Variants in ACVR2A observed in about 807,000 individuals in gnomAD.
ACVR2A encodes activin receptor type-2A.
ACVR2A carries 7 observed loss-of-function variants against 61.4 expected under a neutral mutation model. The ratio of observed to expected loss-of-function variants is 0.11; its 90% CI spans 0.06 to 0.21. The LOEUF is 0.21. Ranked by LOEUF, ACVR2A falls within the 10% of genes least tolerant of loss-of-function variation. The pLI is 1.00. For synonymous variants in ACVR2A, 193 were observed against 208.3 expected (o/e 0.93, Z 0.63); for missense variants, 322 against 621.7 (o/e 0.52, Z 5.13).
chr2:147,882,804 T>G (rs1274174716), intron 1 of ACVR2A, among the ~76,000 whole-genome samples: 1 of 133,666 alleles, frequency 7.5e-6, no homozygotes, highest in African/African-American at 2.7e-5. Context: ...TATGGGGTAT[T>G]ACAGACAAGA....
intron 2 of ACVR2A, among the ~76,000 whole-genome samples, chr2:147,897,695 A>G (rs1686773485): frequency 6.6e-6 from 1 of 152,232 alleles, no homozygotes; most frequent in Non-Finnish European, 1.5e-5. Flanking sequence ...TGCATTGAAT[A>G]GGCCCTTGAA....
intron 1 of ACVR2A, among the ~76,000 whole-genome samples, chr2:147,854,644 C>G (rs1685523791): frequency 6.6e-6 from 1 of 152,150 alleles, no homozygotes; most frequent in Admixed American, 6.5e-5. Flanking sequence ...GGTATTCATT[C>G]ACTTAACAAA....
intron 2 of ACVR2A, among the ~76,000 whole-genome samples, chr2:147,898,667 A>G (rs1686801701): frequency 6.6e-6 from 1 of 152,060 alleles, no homozygotes; most frequent in Non-Finnish European, 1.5e-5. Flanking sequence ...TTTTTTTAAT[A>G]GTTTTAGCTG....
chr2:147,917,545 T>A, intron 6 of ACVR2A, 119 bp downstream of exon 6: 1 of 1,100,848 alleles, frequency 9.1e-7, no homozygotes, highest in Non-Finnish European at 1.3e-6. Context: ...ATATTTAACC[T>A]GAAAATAAAA....
chr2:147,924,358 T>C (rs145423749), intron 9 of ACVR2A, among the ~76,000 whole-genome samples: 1 of 152,050 alleles, frequency 6.6e-6, no homozygotes, highest in Non-Finnish European at 1.5e-5. Context: ...AAATATATCC[T>C]GGACAATTAA....
chr2:147,848,153 T>C (rs1391474712), intron 1 of ACVR2A, among the ~76,000 whole-genome samples: 2 of 152,216 alleles, frequency 1.3e-5, no homozygotes, highest in Non-Finnish European at 2.9e-5. Flanking sequence ...TGAACTTTGA[T>C]TAACAAGTGA....
chr2:147,856,328 T>C (rs2105138277), intron 1 of ACVR2A, among the ~76,000 whole-genome samples: 1 of 152,316 alleles, frequency 6.6e-6, no homozygotes, highest in East Asian at 1.9e-4. Flanking sequence ...ATTTAAAAAA[T>C]ATAATGGTGC....
intron 1 of ACVR2A, among the ~76,000 whole-genome samples, chr2:147,849,474 A>G (rs1215089608): frequency 2.6e-5 from 4 of 152,304 alleles, no homozygotes; most frequent in South Asian, 2.1e-4. Context: ...TCTTAATTAC[A>G]TAATTATCTT....
rs1456767617 is a variant in ACVR2A, at chr2:147,845,087, G to C, written c.-66G>C. ...ATTTTACACCAGGAGGTTTGTCTCCGAGGAAGACCCAGGGAACTGGATATC... is the reference window on the plus strand; with the variant it reads ...ATTTTACACCAGGAGGTTTGTCTCCCAGGAAGACCCAGGGAACTGGATATC... On this transcript the variant is annotated 5_prime_UTR_variant, in exon 1 of 11. Coordinates refer to ENST00000241416, the MANE Select transcript of ACVR2A (RefSeq NM_001616.5). 7.7e-7 allele frequency: 1 copy of C among 1,294,682 alleles called. No homozygotes were observed. Among genetic ancestry groups the C allele is most frequent in the Non-Finnish European group, 1.0e-6 (1 of 956,960 alleles). 80.2% of individuals were successfully genotyped at this position (1,294,682 alleles called of 1,614,324 possible). A position where few individuals can be genotyped will look rare whatever the true frequency, so the allele number is the denominator to read the frequency against.
intron 1 of ACVR2A, among the ~76,000 whole-genome samples, chr2:147,881,788 A>C (rs1396542052): frequency 6.6e-6 from 1 of 152,078 alleles, no homozygotes; most frequent in Admixed American, 6.6e-5. Context: ...AGGATAGGAC[A>C]AAAAGATGCT....
In ACVR2A at chr2:147,930,511, G is replaced by A. The variant is rs1687657039; in HGVS notation, c.*3237G>A. 6.6e-6 allele frequency: 1 copy of A among 152,318 alleles called. No individual in the cohort carries two copies. The highest frequency in any genetic ancestry group is 2.1e-4 in the South Asian group (1 of 4,822). 9.4% of individuals were successfully genotyped at this position (152,318 alleles called of 1,614,324 possible). ...GGCAAAATGATACAAGTAGCATCTT[G>A]ATTGAACATCATTTACCTCAGATAT... On this transcript the variant is annotated 3_prime_UTR_variant, in exon 11 of 11. Transcript: ENST00000241416.
At chr2:147,882,164 C>G (rs1338260757) in intron 1 of ACVR2A, among the ~76,000 whole-genome samples, 1 of 152,144 alleles carries the variant, frequency 6.6e-6, no homozygotes, top group Non-Finnish European at 1.5e-5. Flanking sequence ...TTGGAGCCAT[C>G]TATGTGGGGA....
chr2:147,902,022 T>C (rs1323673359), intron 4 of ACVR2A, among the ~76,000 whole-genome samples: 1 of 152,026 alleles, frequency 6.6e-6, no homozygotes, highest in Non-Finnish European at 1.5e-5. Context: ...ACTAGGGCAC[T>C]GTTAAGTTAT....
intron 1 of ACVR2A, among the ~76,000 whole-genome samples, chr2:147,882,596 G>A (rs1340750941): frequency 6.6e-6 from 1 of 152,092 alleles, no homozygotes; most frequent in Non-Finnish European, 1.5e-5. Flanking sequence ...GTAACTAGTG[G>A]TTAAATGTTG....
At chr2:147,898,840 T>C (rs1470835634) in intron 2 of ACVR2A, among the ~76,000 whole-genome samples, 3 of 152,122 alleles carry the variant, frequency 2.0e-5, no homozygotes, top group Non-Finnish European at 4.4e-5. Flanking sequence ...GTTTGTTTTC[T>C]ACTTATTGCT....
chr2:147,922,181 A>G lies in ACVR2A; in HGVS notation c.1078-792A>G, dbSNP rs112473043. 2.0e-5 allele frequency among the ~76,000 whole-genome samples: 3 copies of G among 152,152 alleles called. 1 individual carries two copies. The highest frequency in any genetic ancestry group is 7.2e-5 in the African/African-American group (3 of 41,526). Reference sequence around the variant, plus strand: ...TTTCCCTTTAATGTGTTCTCCTTGAACTTTAGTCTTAGTGATCTGTCTTTA... The same window carrying G: ...TTTCCCTTTAATGTGTTCTCCTTGAGCTTTAGTCTTAGTGATCTGTCTTTA... On this transcript the variant is annotated intron_variant, in intron 8 of 10. Transcript: ENST00000241416.
intron 7 of ACVR2A, among the ~76,000 whole-genome samples, chr2:147,919,478 C>G (rs998044563): frequency 6.6e-6 from 1 of 152,114 alleles, no homozygotes; most frequent in Non-Finnish European, 1.5e-5. Flanking sequence ...GATCGATTAG[C>G]TTTTATAGCA....
rs200337943 is a variant in ACVR2A, at chr2:147,920,329, C to T, written c.1062C>T (p.Gly354=). ...ALKFEAGKSA[G]DTHGQVGTRR... ...AATTTGAGGCTGGCAAGTCTGCAGG[C>T]GATACCCATGGACAGGTAAGGATGA... The change falls in exon 8 of 11, where the codon GGC becomes GGT. Residue 354 remains glycine (G), a synonymous_variant. Coordinates refer to ENST00000241416, the MANE Select transcript of ACVR2A (RefSeq NM_001616.5). 29 of 1,612,168 alleles carry T rather than the reference C, an allele frequency of 1.8e-5. No homozygotes were observed. Among genetic ancestry groups the T allele is most frequent in the East Asian group, 4.5e-5 (2 of 44,850 alleles).
intron 1 of ACVR2A, among the ~76,000 whole-genome samples, chr2:147,849,562 A>G (rs951076346): frequency 2.0e-5 from 3 of 152,188 alleles, no homozygotes; most frequent in African/African-American, 4.8e-5. Flanking sequence ...TCTATTGCAG[A>G]TCGTTTCCCT....
Sources: allele counts gnomAD v4.1 joint callset (sites outside exome capture counted in the v4.1 genomes callset), GRCh38; gene constraint gnomAD v4.1.1; transcripts MANE v1.5; gene names NCBI Gene and HGNC (gene_info 2026-07-23, HGNC 2026-07-21).